The following ATP2C2 variants were observed in gnomAD, a reference collection of about 807,000 sequenced individuals.
ATP2C2 encodes the protein ATPase secretory pathway Ca2+ transporting 2.
In ATP2C2, 171 loss-of-function variants were observed where a neutral mutation model predicts 110.8. The ratio of observed to expected loss-of-function variants is 1.54; its 90% CI spans 1.36 to 1.75. The LOEUF (loss-of-function observed/expected upper bound fraction) is 1.75, where lower values mean the gene tolerates loss of function less well. Among genes scored for constraint, ATP2C2 ranks in the 40% most tolerant of loss-of-function variants. ATP2C2 has a pLI of 0.00. For missense variants in ATP2C2, 1,963 were observed against 1,235.0 expected (o/e 1.59, Z -8.84); for synonymous variants, 804 against 508.4 (o/e 1.58, Z -7.82).
At chr16:84,440,221 C>A (rs969614844) in intron 13 of ATP2C2, among the ~76,000 whole-genome samples, 1 of 152,250 alleles carries the variant, frequency 6.6e-6, no homozygotes, top group Non-Finnish European at 1.5e-5. Flanking sequence ...CAGCCTCTAA[C>A]TTCTGGGCTC....
chr16:84,407,620 C>G (rs1398480422), intron 3 of ATP2C2, among the ~76,000 whole-genome samples: 1 of 152,008 alleles, frequency 6.6e-6, no homozygotes, highest in East Asian at 1.9e-4. Context: ...ACAGGTGCAC[C>G]TCACCATGCC....
chr16:84,431,914 C>T (rs1908315763), intron 11 of ATP2C2, among the ~76,000 whole-genome samples: 1 of 152,014 alleles, frequency 6.6e-6, no homozygotes, highest in Non-Finnish European at 1.5e-5. Context: ...AGGAAGGGGG[C>T]ACTGGAGCAG....
Position 84,422,447 on chromosome 16 carries a change from AAAAC to A in ATP2C2, c.684_687del (p.Asp230AlafsTer3), listed in dbSNP as rs754690455. The A allele has an allele frequency of 6.2e-7, 1 of 1,614,106 alleles. No individual in the cohort carries two copies. Among genetic ancestry groups the A allele is most frequent in the East Asian group, 2.2e-5 (1 of 44,870 alleles). On this transcript the variant is annotated frameshift_variant, in exon 8 of 27. Coordinates refer to ENST00000262429, the MANE Select transcript of ATP2C2 (RefSeq NM_014861.4). LOFTEE classifies it high-confidence loss of function. The stretch of plus-strand genomic sequence containing the variant: ...CACCGGGGAAGCCGAGCCATGTAGT[AAAAC>A]AGACAGCCCCTTGACAGGCGGTGGG...
intron 1 of ATP2C2, among the ~76,000 whole-genome samples, chr16:84,392,246 A>C (rs1684102071): frequency 6.6e-6 from 1 of 152,170 alleles, no homozygotes; most frequent in Non-Finnish European, 1.5e-5. Context: ...CTGCATATCT[A>C]TGGCTAAAGA....
intron 11 of ATP2C2, among the ~76,000 whole-genome samples, chr16:84,426,381 C>A (rs173546): frequency 6.6e-6 from 1 of 152,068 alleles, no homozygotes; most frequent in Non-Finnish European, 1.5e-5. Flanking sequence ...ACCTCCAACA[C>A]TGGGGCTTAT....
chr16:84,443,508 C>T lies in ATP2C2; in HGVS notation c.1401+909C>T, dbSNP rs192300860. On this transcript the variant is annotated intron_variant, in intron 15 of 26. Coordinates refer to ENST00000262429, the MANE Select transcript of ATP2C2 (RefSeq NM_014861.4). ...CCCAGCACGGACCCCTCGCTGCCGC[C>T]GAGCCTGGCCCCTGCACTCACCCTC... Among the ~76,000 whole-genome samples the T allele has an allele frequency of 3.3e-3, 506 of 152,306 alleles. 3 individuals are homozygous for T. Among genetic ancestry groups the T allele is most frequent in the African/African-American group, 0.012 (480 of 41,552 alleles).
intron 7 of ATP2C2, 53 bp downstream of exon 7, chr16:84,415,644 A>C: frequency 6.9e-7 from 1 of 1,448,542 alleles, no homozygotes; most frequent in Non-Finnish European, 9.5e-7. Flanking sequence ...CTGGTCAAGG[A>C]GCAGACACTT....
intron 1 of ATP2C2, among the ~76,000 whole-genome samples, chr16:84,391,218 A>G (rs948869234): frequency 1.3e-5 from 2 of 152,050 alleles, no homozygotes; most frequent in African/African-American, 2.4e-5. Flanking sequence ...GACCTTTACC[A>G]GGATGCGCCA....
rs186891397 is a variant in ATP2C2 at position 84,389,866 on chromosome 16, A to G, written c.100-8633A>G. ...CTCCCGAGTAGCTGGGACTACAGGC[A>G]TGTGCTATCACGTTTGGCTAACTTT... On this transcript the variant is annotated intron_variant, in intron 1 of 26. Transcript: ENST00000262429. Among the ~76,000 whole-genome samples, 316 of 152,082 alleles carry G rather than the reference A, an allele frequency of 2.1e-3. 4 individuals carry two copies. The highest frequency in any genetic ancestry group is 0.01 in the South Asian group (49 of 4,812).
At chr16:84,410,506 A>G in intron 4 of ATP2C2, 62 bp from the exon 5 acceptor site, 1 of 1,556,530 alleles carries the variant, frequency 6.4e-7, no homozygotes, top group Non-Finnish European at 8.9e-7. Context: ...CTAGCCTGCC[A>G]CGCCCTGTCC....
chr16:84,452,127 AC>A (rs760025228), intron 18 of ATP2C2, 36 bp downstream of exon 18: 3 of 1,611,832 alleles, frequency 1.9e-6, no homozygotes, highest in African/African-American at 2.7e-5. Flanking sequence ...GGACGAAAGG[AC>A]CCATCCATCC....
chr16:84,378,861 G>A (rs190108660), intron 1 of ATP2C2, among the ~76,000 whole-genome samples: 3 of 152,306 alleles, frequency 2.0e-5, no homozygotes, highest in African/African-American at 7.2e-5. Context: ...TGGGCTCACC[G>A]TCGCGAGGTC....
At chr16:84,370,547 G>T (rs1909893256) in intron 1 of ATP2C2, among the ~76,000 whole-genome samples, 1 of 152,198 alleles carries the variant, frequency 6.6e-6, no homozygotes, top group Admixed American at 6.5e-5. Flanking sequence ...TTCCTGCCAG[G>T]TTGGCTCAGA....
intron 9 of ATP2C2, 49 bp from the exon 10 acceptor site, chr16:84,423,139 G>T (rs1284987959): frequency 2.0e-6 from 3 of 1,523,528 alleles, no homozygotes; most frequent in Non-Finnish European, 2.7e-6. Flanking sequence ...ACAAAGGCAG[G>T]CAGAAGCTAG....
intron 14 of ATP2C2, among the ~76,000 whole-genome samples, chr16:84,441,988 A>G (rs1398845648): frequency 6.6e-6 from 1 of 152,152 alleles, no homozygotes; most frequent in Non-Finnish European, 1.5e-5. Context: ...AAGAAAAGAA[A>G]TGGGCAGAGA....
intron 1 of ATP2C2, among the ~76,000 whole-genome samples, chr16:84,377,445 G>T (rs1003808913): frequency 6.6e-6 from 1 of 152,082 alleles, no homozygotes; most frequent in African/African-American, 2.4e-5. Context: ...TATTGTCTCA[G>T]TTCTGGAGGC....
chr16:84,371,102 G>T (rs1203112986), intron 1 of ATP2C2, among the ~76,000 whole-genome samples: 1 of 152,182 alleles, frequency 6.6e-6, no homozygotes, highest in African/African-American at 2.4e-5. Flanking sequence ...GTGGTCTCAG[G>T]TGCACTGGAG....
chr16:84,460,362 C>G, intron 23 of ATP2C2: 1 of 455,606 alleles, frequency 2.2e-6, no homozygotes, highest in Non-Finnish European at 4.0e-6. Flanking sequence ...GGGGTCCCCT[C>G]GGGGTGATGG....
At chr16:84,376,541 T>G (rs1169582516) in intron 1 of ATP2C2, among the ~76,000 whole-genome samples, 3 of 130,574 alleles carry the variant, frequency 2.3e-5, no homozygotes, top group South Asian at 4.8e-4. Context: ...GGCAATTTTT[T>G]TTTTTTTTTA....
Sources: gnomAD v4.1 joint callset for allele counts (sites outside exome capture counted in the v4.1 genomes callset) on GRCh38, gnomAD v4.1.1 for gene constraint, MANE v1.5 for transcripts, NCBI Gene and HGNC (gene_info 2026-07-23, HGNC 2026-07-21) for gene names.